Variants in DCP2 observed in about 807,000 individuals in gnomAD.
The protein encoded by DCP2 is decapping mRNA 2.
Under a neutral mutation model 56.1 loss-of-function variants are expected in DCP2, and 30 were observed. The observed-to-expected ratio is 0.53, with a 90% confidence interval of 0.40 to 0.73. The LOEUF (loss-of-function observed/expected upper bound fraction) is 0.73. DCP2 is among the 30% of genes least tolerant of loss of function. DCP2 has a pLI of 0.00. For synonymous variants in DCP2, 197 were observed against 163.3 expected (o/e 1.21, Z -1.57); for missense variants, 533 against 502.7 (o/e 1.06, Z -0.58).
rs369984345 is a variant in DCP2 at position 113,001,442 on chromosome 5, A to G, written c.671A>G (p.Lys224Arg). Residue 224 changes from lysine to arginine, a missense_variant, in exon 6 of 11, where the codon AAA becomes AGA. This residue lies in a region of DCP2 where 392 missense variants were observed against 346.6 expected (regional missense o/e 1.13). Transcript: ENST00000389063. ...TCCAAACTTGGTTTGGCACCTAACAAATTTTTTATGGCCATTCCCTTTATC... is the reference window on the plus strand; with the variant it reads ...TCCAAACTTGGTTTGGCACCTAACAGATTTTTTATGGCCATTCCCTTTATC... ...PKSKLGLAPN[K>R]FFMAIPFIRP... 1.9e-5 allele frequency: 31 copies of G among 1,613,770 alleles called. No homozygotes were observed. Among genetic ancestry groups the G allele is most frequent in the Non-Finnish European group, 2.4e-5 (28 of 1,179,934 alleles).
At chr5:112,999,502 A>G (rs1231626200) in intron 4 of DCP2, among the ~76,000 whole-genome samples, 2 of 151,436 alleles carry the variant, frequency 1.3e-5, no homozygotes, top group Admixed American at 1.3e-4. Context: ...CTAATTTTGT[A>G]TTTTTAGTAG....
intron 2 of DCP2, among the ~76,000 whole-genome samples, chr5:112,990,815 GAAAC>G (rs1748553310): frequency 1.3e-5 from 2 of 152,064 alleles, no homozygotes; most frequent in Non-Finnish European, 1.5e-5. Flanking sequence ...CTACAACTAT[GAAAC>G]AAATTTTAAA....
intron 4 of DCP2, among the ~76,000 whole-genome samples, chr5:112,999,778 C>T (rs957607662): frequency 5.3e-5 from 8 of 151,546 alleles, no homozygotes; most frequent in African/African-American, 1.7e-4. Context: ...AACAGGCGTG[C>T]GGCCGGGCAT....
intron 8 of DCP2, among the ~76,000 whole-genome samples, chr5:113,005,310 A>C (rs1187251531): frequency 6.6e-6 from 1 of 152,178 alleles, no homozygotes; most frequent in East Asian, 1.9e-4. Context: ...AATTCTTAGA[A>C]CTCAACAACA....
At chr5:113,009,672 C>G (rs996563803) in intron 9 of DCP2, among the ~76,000 whole-genome samples, 1 of 152,068 alleles carries the variant, frequency 6.6e-6, no homozygotes, top group African/African-American at 2.4e-5. Flanking sequence ...AATACAGTAT[C>G]GTAGATCTGT....
chr5:113,001,508 G>C (rs767126196), intron 6 of DCP2, 39 bp downstream of exon 6: 35 of 1,605,848 alleles, frequency 2.2e-5, no homozygotes, highest in Non-Finnish European at 2.8e-5. Flanking sequence ...TTCATGATTG[G>C]GATAGTCATC....
At chr5:112,986,032 T>C (rs1748267668) in intron 2 of DCP2, 46 bp downstream of exon 2, 2 of 1,472,046 alleles carry the variant, frequency 1.4e-6, no homozygotes, top group Non-Finnish European at 1.8e-6. Context: ...GTTAGCAATA[T>C]ATTTTAGCAC....
chr5:113,000,286 TCG>T (rs1378743937), intron 4 of DCP2, among the ~76,000 whole-genome samples: 118 of 151,876 alleles, frequency 7.8e-4, no homozygotes, highest in African/African-American at 2.8e-3. Flanking sequence ...ATTACTGGTC[TCG>T]AACACCTGGG....
chr5:112,985,112 G>A (rs1307046291), intron 1 of DCP2, among the ~76,000 whole-genome samples: 2 of 152,144 alleles, frequency 1.3e-5, no homozygotes, highest in Non-Finnish European at 2.9e-5. Flanking sequence ...GAAAAAATAA[G>A]TGATAGCTGC....
chr5:113,013,752 G>GT lies in DCP2; in HGVS notation c.*272dup. The GT allele has an allele frequency of 3.2e-6, 1 of 311,336 alleles. No individual in the cohort carries two copies. The highest frequency in any genetic ancestry group is 4.7e-5 in the Admixed American group (1 of 21,382). 19.3% of individuals were successfully genotyped at this position (311,336 alleles called of 1,614,324 possible). A position where few individuals can be genotyped will look rare whatever the true frequency, so the allele number is the denominator to read the frequency against. ...GGGCATTTATTCTGTGTGACTGTGG[G>GT]TTTTATTTTGTATTCTGGTTAAGAA... On this transcript the variant is annotated 3_prime_UTR_variant, in exon 11 of 11. Transcript: ENST00000389063.
rs960305218 is a variant in DCP2 at position 113,021,222 on chromosome 5, C to T, written c.*7738C>T. 2.6e-5 allele frequency among the ~76,000 whole-genome samples: 4 copies of T among 151,958 alleles called. No homozygotes were observed. Among genetic ancestry groups the T allele is most frequent in the African/African-American group, 4.8e-5 (2 of 41,462 alleles). On this transcript the variant is annotated 3_prime_UTR_variant, in exon 11 of 11. Coordinates refer to ENST00000389063, the MANE Select transcript of DCP2 (RefSeq NM_152624.6). ...GTGAAACTAAAAATTCAAAAATTAG[C>T]TGGGCGTGGTGGTGCGTGTCTGTAG... is the stretch of plus-strand genomic sequence containing the variant.
intron 4 of DCP2, among the ~76,000 whole-genome samples, chr5:112,998,032 G>C (rs2150181153): frequency 6.6e-6 from 1 of 152,296 alleles, no homozygotes; most frequent in Non-Finnish European, 1.5e-5. Flanking sequence ...CAATAGATTT[G>C]ATTCACAGGA....
rs1288527951 is a variant in DCP2 at position 113,005,274 on chromosome 5, G to A, written c.942+1197G>A. Among the ~76,000 whole-genome samples, 4 of 152,126 alleles carry A rather than the reference G, an allele frequency of 2.6e-5. No individual in the cohort carries two copies. In the East Asian group the frequency reaches 7.7e-4, roughly 29 times the overall value. ...AGATATTTGCAAATTATATATATAA[G>A]GGGTTAATATCCAGAATATGTAAAG... On this transcript the variant is annotated intron_variant, in intron 8 of 10. Transcript: ENST00000389063.
Position 112,985,948 on chromosome 5 carries a change from G to A in DCP2, c.167G>A (p.Gly56Glu), listed in dbSNP as rs770031556. Residue 56 changes from glycine to glutamate, a missense_variant, in exon 2 of 11, where the codon GGA becomes GAA. By Grantham distance (98) the Gly-to-Glu change is moderately conservative. Transcript: ENST00000389063. Reference sequence around the variant, plus strand: ...GATTTCTACATGCAGAACACACCAGGATTACCTCAGTGTGGGATAAGAGAC... The same window carrying A: ...GATTTCTACATGCAGAACACACCAGAATTACCTCAGTGTGGGATAAGAGAC... ...YLDFYMQNTP[G>E]LPQCGIRDFA... The A allele has an allele frequency of 1.9e-6, 3 of 1,592,510 alleles. No individual in the cohort carries two copies. The highest frequency in any genetic ancestry group is 2.6e-6 in the Non-Finnish European group (3 of 1,163,778).
At chr5:112,988,038 G>T (rs1011093532) in intron 2 of DCP2, among the ~76,000 whole-genome samples, 1 of 152,110 alleles carries the variant, frequency 6.6e-6, no homozygotes, top group Admixed American at 6.5e-5. Context: ...CTCATTCTCA[G>T]CTACCTATCA....
chr5:112,978,244 G>A (rs760409986), intron 1 of DCP2, among the ~76,000 whole-genome samples: 5 of 152,190 alleles, frequency 3.3e-5, no homozygotes, highest in Non-Finnish European at 7.4e-5. Flanking sequence ...CAAAGTGCTG[G>A]GATTACAGGC....
At position 113,018,862 on chromosome 5, in the gene DCP2, A is replaced by C. The variant is rs1455433568; in HGVS notation, c.*5378A>C. On this transcript the variant is annotated 3_prime_UTR_variant, in exon 11 of 11. Transcript: ENST00000389063. ...GCAAACCTGCCACAGACTTGCAAGC[A>C]GTGATTTTATCTTTCCTTCCTGAGA... 6.6e-6 allele frequency: 1 copy of C among 152,164 alleles called. No individual in the cohort carries two copies. The highest frequency in any genetic ancestry group is 1.5e-5 in the Non-Finnish European group (1 of 68,020). 9.4% of individuals were successfully genotyped at this position (152,164 alleles called of 1,614,324 possible). A position where few individuals can be genotyped will look rare whatever the true frequency, so the allele number is the denominator to read the frequency against.
intron 7 of DCP2, 45 bp downstream of exon 7, chr5:113,001,719 A>C: frequency 6.5e-7 from 1 of 1,545,358 alleles, no homozygotes; most frequent in Non-Finnish European, 8.9e-7. Context: ...AATAGTTTTT[A>C]AAAGTGGAAT....
intron 4 of DCP2, among the ~76,000 whole-genome samples, chr5:113,000,338 G>A (rs1749100213): frequency 2.6e-5 from 4 of 151,222 alleles, no homozygotes; most frequent in African/African-American, 9.8e-5. Flanking sequence ...AAAGTACTGA[G>A]ATTGCAGGTG....
Sources: allele counts gnomAD v4.1 joint callset (sites outside exome capture counted in the v4.1 genomes callset), GRCh38; gene constraint gnomAD v4.1.1; regional missense constraint gnomAD v4.1.1; transcripts MANE v1.5; gene names NCBI Gene and HGNC (gene_info 2026-07-23, HGNC 2026-07-21).